LAX1: variants seen among roughly 807,000 people sequenced by gnomAD.
LAX1 encodes lymphocyte transmembrane adapter 1.
LAX1 carries 17 observed loss-of-function variants against 20.7 expected under a neutral mutation model. That is an observed-to-expected ratio of 0.82 (90% confidence interval 0.56 to 1.23). The LOEUF (loss-of-function observed/expected upper bound fraction) is 1.23. Ranked by LOEUF, LAX1 falls within the 50% of genes most tolerant of loss-of-function variation. The pLI is 0.00. For missense variants in LAX1, 470 were observed against 487.0 expected (o/e 0.97, Z 0.33); for synonymous variants, 165 against 181.0 (o/e 0.91, Z 0.71).
chr1:203,770,510 G>GAAGAAAGA (rs1326354763), intron 1 of LAX1, among the ~76,000 whole-genome samples: 810 of 16,880 alleles, frequency 0.048, 84 homozygotes, highest in Non-Finnish European at 0.069. Flanking sequence ...AGGAAGGAAG[G>GAAGAAAGA]AAGAAAGAAA....
intron 1 of LAX1, among the ~76,000 whole-genome samples, chr1:203,770,461 GGAAGGAAGGAAGGAAGGAAGGA>G (rs1667390412): frequency 2.4e-4 from 4 of 16,476 alleles, no homozygotes; most frequent in African/African-American, 3.5e-4. Flanking sequence ...GAGAAAGGAA[GGAAGGAAGGAAGGAAGGAAGGA>G]AGGAAGGAAG....
chr1:203,767,303 C>CTTTTTTTTTTTTT lies in LAX1; in HGVS notation c.89+1658_89+1670dup, dbSNP rs755164305. Among the ~76,000 whole-genome samples the CTTTTTTTTTTTTT allele has an allele frequency of 1.7e-3, 158 of 90,428 alleles. 15 individuals carry two copies. Among genetic ancestry groups the CTTTTTTTTTTTTT allele is most frequent in the Middle Eastern group, 9.4e-3 (1 of 106 alleles). 59.3% of individuals were successfully genotyped at this position (90,428 alleles called of 152,430 possible). On this transcript the variant is annotated intron_variant, in intron 1 of 4. Coordinates refer to ENST00000442561, the MANE Select transcript of LAX1 (RefSeq NM_017773.4). ...GTAACCACCATTCTACTCTCCACTT[C>CTTTTTTTTTTTTT]TTTTTTTTTTTTTTTTTTTTTGAGA...
At chr1:203,772,593 A>G (rs901245562) in intron 4 of LAX1, among the ~76,000 whole-genome samples, 1 of 151,838 alleles carries the variant, frequency 6.6e-6, no homozygotes, top group Non-Finnish European at 1.5e-5. Flanking sequence ...ACGCCCAGCT[A>G]ATTTTTGTAT....
At chr1:203,767,313 T>TTTC (rs1667321843) in intron 1 of LAX1, among the ~76,000 whole-genome samples, 1 of 142,888 alleles carries the variant, frequency 7.0e-6, no homozygotes, top group Admixed American at 7.2e-5. Context: ...CTTTTTTTTT[T>TTTC]TTTTTTTTTT....
rs1667421406 is a variant in LAX1, at chr1:203,771,475, T to C, written c.308T>C (p.Leu103Pro). The C allele has an allele frequency of 1.9e-6, 3 of 1,590,344 alleles. No individual in the cohort carries two copies. The East Asian group carries it at 6.7e-5, about 36-fold the overall frequency. ...YDILPWRQED[L>P]GRHESRSMRI... ...ATCTTGCCTTGGCGACAGGAAGACCTGGGTAGGTTTTTCCTTCTAATCTAT... is the reference window on the plus strand; with the variant it reads ...ATCTTGCCTTGGCGACAGGAAGACCCGGGTAGGTTTTTCCTTCTAATCTAT... The change falls in exon 3 of 5, where the codon CTG (leucine) becomes CCG (proline). Residue 103 changes from leucine (L) to proline (P), a missense_variant and splice_region_variant. Leu to Pro is a moderately conservative substitution (Grantham distance 98, BLOSUM62 -3). Coordinates refer to ENST00000442561, the MANE Select transcript of LAX1 (RefSeq NM_017773.4).
In LAX1 at chr1:203,774,581, C is replaced by A; in HGVS notation, c.1097C>A (p.Ser366Ter). 1 of 1,614,166 alleles carries A rather than the reference C, an allele frequency of 6.2e-7. No homozygotes were observed. Among genetic ancestry groups the A allele is most frequent in the Non-Finnish European group, 8.5e-7 (1 of 1,180,032 alleles). The change falls in exon 5 of 5, where the codon TCA becomes TAA. Residue 366 changes from serine to a stop codon, truncating the protein, a stop_gained. Coordinates refer to ENST00000442561, the MANE Select transcript of LAX1 (RefSeq NM_017773.4). LOFTEE classifies it low-confidence loss of function (END_TRUNC). ...DSQMKHREEM[S>*]NEDSSDYENV... ...CAGATGAAACATAGAGAAGAGATGT[C>A]AAATGAGGACTCCAGTGACTATGAA...
At chr1:203,770,021 T>C (rs936203232) in intron 1 of LAX1, among the ~76,000 whole-genome samples, 1 of 152,178 alleles carries the variant, frequency 6.6e-6, no homozygotes, top group Non-Finnish European at 1.5e-5. Context: ...ATTCCTTCTC[T>C]GCTCCTTCCT....
intron 4 of LAX1, among the ~76,000 whole-genome samples, chr1:203,772,901 C>A (rs1045126128): frequency 1.3e-5 from 2 of 151,992 alleles, no homozygotes; most frequent in Non-Finnish European, 2.9e-5. Flanking sequence ...GTCTCAAACA[C>A]CTGAGCTCAA....
Position 203,769,857 on chromosome 1 carries a change from C to T in LAX1, c.90-971C>T, listed in dbSNP as rs995054885. The stretch of plus-strand genomic sequence containing the variant: ...GTCACAGAGCCACTCCTTAACTGTA[C>T]GTTGGCTAATCCTCTCCTCCAAGCA... On this transcript the variant is annotated intron_variant, in intron 1 of 4. Transcript: ENST00000442561. Among the ~76,000 whole-genome samples the T allele has an allele frequency of 7.9e-5, 12 of 151,594 alleles. No homozygotes were observed. In the South Asian group the frequency reaches 1.2e-3, roughly 16 times the overall value.
In LAX1 at chr1:203,770,541, G is replaced by GAA. The variant is rs778942596; in HGVS notation, c.90-285_90-284dup. On this transcript the variant is annotated intron_variant, in intron 1 of 4. Transcript: ENST00000442561. ...AGAAAGAAAGAAAGAAAGAAAGAAA[G>GAA]AAAGAAAGAAAGAAAGAAAGAAAGA... 9.5e-4 allele frequency among the ~76,000 whole-genome samples: 133 copies of GAA among 140,400 alleles called. 30 individuals are homozygous for GAA. Among genetic ancestry groups the GAA allele is most frequent in the Admixed American group, 7.8e-3 (98 of 12,508 alleles). The allele number at this position is 140,400 out of a possible 152,430, so 92.1% of individuals were successfully genotyped here. A position where few individuals can be genotyped will look rare whatever the true frequency, so the allele number is the denominator to read the frequency against.
Position 203,771,442 on chromosome 1 carries a change from T to C in LAX1, c.275T>C (p.Ile92Thr). ...LPQTRQRAKN[I>T]YDILPWRQED... is the part of the protein sequence containing the mutation. ...CAAACCAGACAAAGAGCCAAAAATA[T>C]TTATGACATCTTGCCTTGGCGACAG... Residue 92 changes from isoleucine (I) to threonine (T), a missense_variant, in exon 3 of 5, where the codon ATT becomes ACT. Coordinates refer to ENST00000442561, the MANE Select transcript of LAX1 (RefSeq NM_017773.4). The C allele has an allele frequency of 6.2e-7, 1 of 1,613,172 alleles. No individual in the cohort carries two copies. The highest frequency in any genetic ancestry group is 1.3e-5 in the African/African-American group (1 of 74,986).
chr1:203,765,395 C>T lies in LAX1; in HGVS notation c.-171C>T. The T allele has an allele frequency of 3.2e-6, 5 of 1,551,834 alleles. No individual in the cohort carries two copies. Among genetic ancestry groups the T allele is most frequent in the African/African-American group, 1.4e-5 (1 of 73,138 alleles). On this transcript the variant is annotated 5_prime_UTR_variant, in exon 1 of 5. Transcript: ENST00000442561. ...TTAGCCACGTCCAGGTAGAACCAAA[C>T]CTGTTGCTTTTGTATGTTGGGTCAA...
intron 4 of LAX1, 47 bp from the exon 5 acceptor site, chr1:203,773,828 A>G (rs371860982): frequency 1.9e-5 from 18 of 924,224 alleles, no homozygotes; most frequent in South Asian, 1.9e-4. Context: ...GGCTTTGTCC[A>G]TATTTCTGCT....
chr1:203,776,231 A>C lies in LAX1; in HGVS notation c.*1550A>C, dbSNP rs1229570646. The C allele has an allele frequency of 6.6e-6, 1 of 151,828 alleles. No homozygotes were observed. Among genetic ancestry groups the C allele is most frequent in the Non-Finnish European group, 1.5e-5 (1 of 67,992 alleles). The allele number at this position is 151,828 out of a possible 1,614,324, so 9.4% of individuals were successfully genotyped here. On this transcript the variant is annotated 3_prime_UTR_variant, in exon 5 of 5. Coordinates refer to ENST00000442561, the MANE Select transcript of LAX1 (RefSeq NM_017773.4). The stretch of plus-strand genomic sequence containing the variant: ...TCATATTTGTAAAACTACAAAAATT[A>C]GCTTGGCATGGTGGTGTGCGCCTGT...
chr1:203,774,720 C>G lies in LAX1; in HGVS notation c.*39C>G, dbSNP rs771977212. ...CAGCCATAAAGCCACATTGAGTAGT[C>G]TATCCCATAGGATTGACTACTGCAG... is the stretch of plus-strand genomic sequence containing the variant. On this transcript the variant is annotated 3_prime_UTR_variant, in exon 5 of 5. Coordinates refer to ENST00000442561, the MANE Select transcript of LAX1 (RefSeq NM_017773.4). 30 of 1,561,154 alleles carry G rather than the reference C, an allele frequency of 1.9e-5. No homozygotes were observed. In the South Asian group the frequency reaches 3.5e-4, roughly 18 times the overall value.
At chr1:203,766,234 TG>T (rs771183304) in intron 1 of LAX1, among the ~76,000 whole-genome samples, 6 of 152,186 alleles carry the variant, frequency 3.9e-5, no homozygotes, top group Non-Finnish European at 7.4e-5. Context: ...CCCAGCACTT[TG>T]GGAGGCCGAG....
chr1:203,767,525 C>T (rs575212595), intron 1 of LAX1, among the ~76,000 whole-genome samples: 37 of 151,634 alleles, frequency 2.4e-4, no homozygotes, highest in African/African-American at 8.2e-4. Context: ...TCAGGCTGGT[C>T]TCGAACTCCT....
Position 203,774,514 on chromosome 1 carries a change from G to T in LAX1, c.1030G>T (p.Asp344Tyr), listed in dbSNP as rs759860887. 1 of 1,614,224 alleles carries T rather than the reference G, an allele frequency of 6.2e-7. No homozygotes were observed. Among genetic ancestry groups the T allele is most frequent in the Non-Finnish European group, 8.5e-7 (1 of 1,180,038 alleles). The stretch of plus-strand genomic sequence containing the variant: ...CAAAAGGACATTCCTTGCTTCAGGG[G>T]ATTATGCAGACTTTCAGCCATTCAC... Reference protein sequence around the residue: ...CVKRTFLASGDYADFQPFTQS... With the variant: ...CVKRTFLASGYYADFQPFTQS... The change falls in exon 5 of 5, where the codon GAT (aspartate) becomes TAT (tyrosine). Residue 344 changes from aspartate to tyrosine, a missense_variant. Asp to Tyr is a radical substitution (Grantham distance 160, BLOSUM62 -3). Coordinates refer to ENST00000442561, the MANE Select transcript of LAX1 (RefSeq NM_017773.4).
chr1:203,768,227 C>T (rs1256864310), intron 1 of LAX1, among the ~76,000 whole-genome samples: 1 of 152,164 alleles, frequency 6.6e-6, no homozygotes, highest in East Asian at 1.9e-4. Context: ...AGAAGAATCA[C>T]TTGGACCCAG....
Sources: gnomAD v4.1 joint callset for allele counts (sites outside exome capture counted in the v4.1 genomes callset) on GRCh38, gnomAD v4.1.1 for gene constraint, MANE v1.5 for transcripts, NCBI Gene and HGNC (gene_info 2026-07-23, HGNC 2026-07-21) for gene names.